The following SULF1 variants were observed in gnomAD, a reference collection of about 807,000 sequenced individuals.
SULF1 encodes the protein sulfatase 1.
In SULF1, 46 loss-of-function variants were observed where a neutral mutation model predicts 110.5. The observed-to-expected ratio is 0.42, with a 90% CI of 0.33 to 0.53. The LOEUF (loss-of-function observed/expected upper bound fraction) is 0.53, where lower values mean the gene tolerates loss of function less well. Among genes scored for constraint, SULF1 ranks in the 20% least tolerant of loss-of-function variants. The pLI is 0.12. For missense variants in SULF1, 941 were observed against 1,094.2 expected, an observed-to-expected ratio of 0.86 and a Z score of 1.98; for synonymous variants, 371 against 387.1, an observed-to-expected ratio of 0.96 and a Z score of 0.49.
chr8:69,485,745 C>T (rs544316822), intron 1 of SULF1, among the ~76,000 whole-genome samples: 22 of 152,336 alleles, frequency 1.4e-4, no homozygotes, highest in Non-Finnish European at 2.9e-4. Flanking sequence ...CACTCCTGCC[C>T]TCTGGCATGT....
At chr8:69,522,031 A>C (rs1405468617) in intron 3 of SULF1, among the ~76,000 whole-genome samples, 1 of 151,386 alleles carries the variant, frequency 6.6e-6, no homozygotes, top group South Asian at 2.1e-4. Flanking sequence ...AGAGACAGGG[A>C]GAGAGAGAGA....
intron 3 of SULF1, among the ~76,000 whole-genome samples, chr8:69,525,249 C>T (rs1812577737): frequency 6.6e-6 from 1 of 152,048 alleles, no homozygotes; most frequent in African/African-American, 2.4e-5. Context: ...AGGTTCTGCA[C>T]CAATCTGAGC....
intron 3 of SULF1, among the ~76,000 whole-genome samples, chr8:69,532,515 G>A (rs1476912400): frequency 6.6e-6 from 1 of 152,088 alleles, no homozygotes; most frequent in East Asian, 1.9e-4. Flanking sequence ...TGTTAGAAAG[G>A]TCTGCTCAAA....
At chr8:69,522,577 A>T (rs1423028204) in intron 3 of SULF1, among the ~76,000 whole-genome samples, 1 of 152,248 alleles carries the variant, frequency 6.6e-6, no homozygotes, top group East Asian at 1.9e-4. Context: ...AGTCATTAGC[A>T]TAATGTCAAC....
chr8:69,500,081 C>A (rs543514729), intron 2 of SULF1, among the ~76,000 whole-genome samples: 13 of 152,246 alleles, frequency 8.5e-5, no homozygotes, highest in African/African-American at 3.1e-4. Context: ...GATGAGAAAT[C>A]AAAGTCTACA....
intron 3 of SULF1, among the ~76,000 whole-genome samples, chr8:69,525,909 T>C (rs941322930): frequency 6.6e-6 from 1 of 152,172 alleles, no homozygotes; most frequent in Non-Finnish European, 1.5e-5. Flanking sequence ...TTAGAGGTTG[T>C]TGGAGGAGGG....
At chr8:69,636,824 T>C (rs1811070831) in intron 19 of SULF1, among the ~76,000 whole-genome samples, 1 of 152,208 alleles carries the variant, frequency 6.6e-6, no homozygotes, top group African/African-American at 2.4e-5. Context: ...ATTGCAGTTT[T>C]TGATGCATCT....
rs911650439 is a variant in SULF1, at chr8:69,586,591, AC to A, written c.564+84del. 4 of 1,409,120 alleles carry A rather than the reference AC, an allele frequency of 2.8e-6. No homozygotes were observed. The African/African-American group carries it at 5.8e-5, about 21-fold the overall frequency. 87.3% of individuals were successfully genotyped at this position (1,409,120 alleles called of 1,614,324 possible). On this transcript the variant is annotated intron_variant, in intron 7 of 22. Coordinates refer to ENST00000402687, the MANE Select transcript of SULF1 (RefSeq NM_001128205.2). ...CCATTTTCAGTGAGTTAAACTATCC[AC>A]AAGATTGGCTTTCTATGTTCTCACA...
chr8:69,467,523 C>T (rs1586179240), intron 1 of SULF1, among the ~76,000 whole-genome samples: 1 of 152,098 alleles, frequency 6.6e-6, no homozygotes, highest in South Asian at 2.1e-4. Flanking sequence ...GCCACTAGGT[C>T]GGCTTTAAAA....
chr8:69,614,076 C>T (rs1471206708), intron 13 of SULF1, among the ~76,000 whole-genome samples: 3 of 152,006 alleles, frequency 2.0e-5, no homozygotes, highest in African/African-American at 4.8e-5. Flanking sequence ...AGTAATAAAC[C>T]ATGTGTGGGT....
chr8:69,652,700 T>G (rs1812433002), intron 22 of SULF1, among the ~76,000 whole-genome samples: 1 of 152,238 alleles, frequency 6.6e-6, no homozygotes, highest in Non-Finnish European at 1.5e-5. Flanking sequence ...TAGCCTACTC[T>G]TGTGCCCATC....
rs1299349497 is a variant in SULF1, at chr8:69,586,359, T to C, written c.415T>C (p.Phe139Leu). ...ATAATTCTTTTTTCCCACTGCAGCC[T>C]TTTTTGGAAAATACCTCAATGAATA... ...YLNNTGYRTA[F>L]FGKYLNEYNG... Residue 139 changes from phenylalanine (F) to leucine (L), a missense_variant and splice_region_variant, in exon 7 of 23, where the codon TTT becomes CTT. Around this residue, in one of 3 missense-constraint regions of SULF1, gnomAD observed 822 missense variants for 934.3 expected, o/e 0.88. Transcript: ENST00000402687. 1 of 1,554,478 alleles carries C rather than the reference T, an allele frequency of 6.4e-7. No individual in the cohort carries two copies. The highest frequency in any genetic ancestry group is 8.7e-7 in the Non-Finnish European group (1 of 1,155,140).
In SULF1 at chr8:69,621,194, G is replaced by T. The variant is rs769527120; in HGVS notation, c.1537G>T (p.Ala513Ser). 6 of 1,613,906 alleles carry T rather than the reference G, an allele frequency of 3.7e-6. No homozygotes were observed. In the African/African-American group the frequency reaches 8.0e-5, roughly 22 times the overall value. The change falls in exon 14 of 23, where the codon GCC becomes TCC. Residue 513 changes from alanine to serine, a missense_variant. This residue lies in a region of SULF1 where 822 missense variants were observed against 934.3 expected (regional missense o/e 0.88). Coordinates refer to ENST00000402687, the MANE Select transcript of SULF1 (RefSeq NM_001128205.2). ...CAGTTGTAGGGAGTCTGGTTACCGT[G>T]CCAGCAGAAGCCAAAGAAAGAGTCA... is the stretch of plus-strand genomic sequence containing the variant. ...ECSCRESGYR[A>S]SRSQRKSQRQ...
intron 8 of SULF1, among the ~76,000 whole-genome samples, chr8:69,590,647 A>T (rs1806831021): frequency 6.6e-6 from 1 of 152,208 alleles, no homozygotes; most frequent in Admixed American, 6.5e-5. Context: ...CATGCCCAGG[A>T]ACTCAGAGGA....
chr8:69,526,799 A>AAGGAAGGAAGGC (rs1246225333), intron 3 of SULF1, among the ~76,000 whole-genome samples: 1 of 4,818 alleles, frequency 2.1e-4, no homozygotes, highest in Non-Finnish European at 5.4e-4. Context: ...TCAAGAAAGA[A>AAGGAAGGAAGGC]AGGAAGGAAG....
intron 8 of SULF1, among the ~76,000 whole-genome samples, chr8:69,591,549 G>T (rs1288870377): frequency 6.6e-6 from 1 of 151,216 alleles, no homozygotes; most frequent in Non-Finnish European, 1.5e-5. Flanking sequence ...CGGCGACAGA[G>T]CAAGACTCTG....
intron 17 of SULF1, 62 bp downstream of exon 17, chr8:69,627,928 TA>T (rs1188669963): frequency 8.0e-7 from 1 of 1,245,732 alleles, no homozygotes; most frequent in Non-Finnish European, 1.2e-6. Context: ...CCAGAGGCAT[TA>T]GCACTGGGCT....
chr8:69,578,867 A>G (rs968958425), intron 6 of SULF1, among the ~76,000 whole-genome samples: 1 of 152,220 alleles, frequency 6.6e-6, no homozygotes, highest in South Asian at 2.1e-4. Flanking sequence ...AAACTTAGTT[A>G]ACAGTAGGAA....
rs1287837914 is a variant in SULF1 at position 69,601,932 on chromosome 8, A to T, written c.1061+103A>T. 4.8e-6 allele frequency: 6 copies of T among 1,254,530 alleles called. No individual in the cohort carries two copies. The African/African-American group carries it at 7.6e-5, about 16-fold the overall frequency. 77.7% of individuals were successfully genotyped at this position (1,254,530 alleles called of 1,614,324 possible). On this transcript the variant is annotated intron_variant, in intron 10 of 22. Transcript: ENST00000402687. ...ATCTGGTTTCCTTTCATCCAAAACA[A>T]AAAAGGATGTGTGTAGGCTGGTTAA...
Sources: allele counts gnomAD v4.1 joint callset (sites outside exome capture counted in the v4.1 genomes callset), GRCh38; gene constraint gnomAD v4.1.1; regional missense constraint gnomAD v4.1.1; transcripts MANE v1.5; gene names NCBI Gene and HGNC (gene_info 2026-07-23, HGNC 2026-07-21).